Variants in SNF8 observed in about 807,000 individuals in gnomAD.
SNF8 encodes the protein SNF8 subunit of ESCRT-II, also known as vacuolar-sorting protein SNF8.
A neutral mutation model predicts 36.8 loss-of-function variants in SNF8; 19 were observed. The observed-to-expected ratio is 0.52, with a 90% CI of 0.36 to 0.76. The LOEUF (loss-of-function observed/expected upper bound fraction) is 0.76, where lower values mean the gene tolerates loss of function less well. SNF8 is among the 30% of genes least tolerant of loss of function. The pLI is 0.00. For missense variants in SNF8, 268 were observed against 322.9 expected, an observed-to-expected ratio of 0.83 and a Z score of 1.30; for synonymous variants, 127 against 127.4, an observed-to-expected ratio of 1.00 and a Z score of 0.02.
rs2143788137 is a variant in SNF8, at chr17:48,930,438, C to T, written c.*37G>A. 2 of 1,486,978 alleles carry T rather than the reference C, an allele frequency of 1.3e-6. No individual in the cohort carries two copies. Among genetic ancestry groups the T allele is most frequent in the East Asian group, 2.4e-5 (1 of 41,606 alleles). 92.1% of individuals were successfully genotyped at this position (1,486,978 alleles called of 1,614,324 possible). A position where few individuals can be genotyped will look rare whatever the true frequency, so the allele number is the denominator to read the frequency against. Reference sequence around the variant, plus strand: ...CCAGGTTTATTTGCCACCTCCGCCTCCTCCCTGCCTGCTGCTGTGTGCCCT... The same window carrying T: ...CCAGGTTTATTTGCCACCTCCGCCTTCTCCCTGCCTGCTGCTGTGTGCCCT... On this transcript the variant is annotated 3_prime_UTR_variant, in exon 8 of 8. Transcript: ENST00000502492.
chr17:48,933,288 T>A lies in SNF8; in HGVS notation c.481A>T (p.Ile161Phe). 6.2e-7 allele frequency: 1 copy of A among 1,614,198 alleles called. No individual in the cohort carries two copies. The highest frequency in any genetic ancestry group is 8.5e-7 in the Non-Finnish European group (1 of 1,180,038). Reference sequence around the variant, plus strand: ...ATGAGGTAAGTGCCGCCCACAGGGATGATGCCGAAGCCAGTGCCAAGTGCC... The same window carrying A: ...ATGAGGTAAGTGCCGCCCACAGGGAAGATGCCGAAGCCAGTGCCAAGTGCC... ...LKALGTGFGI[I>F]PVGGTYLIQS... Residue 161 changes from isoleucine to phenylalanine, a missense_variant, in exon 6 of 8, where the codon ATC (isoleucine) becomes TTC (phenylalanine). Physicochemically the swap from Ile to Phe is conservative, Grantham distance 21. Coordinates refer to ENST00000502492, the MANE Select transcript of SNF8 (RefSeq NM_007241.4).
At position 48,940,934 on chromosome 17, in the gene SNF8, A is replaced by G; in HGVS notation, c.234T>C (p.Asp78=). Residue 78 remains aspartate (D), a synonymous_variant, in exon 3 of 8, where the codon GAT becomes GAC. Coordinates refer to ENST00000502492, the MANE Select transcript of SNF8 (RefSeq NM_007241.4). The stretch of plus-strand genomic sequence containing the variant: ...CAGACAACTTCTTACAGGCCAGCGG[A>G]TCCACGCCAATGGTTGCACACATGT... ...FQDMCATIGV[D]PLASGKGFWS... The G allele has an allele frequency of 1.2e-6, 2 of 1,612,204 alleles. No individual in the cohort carries two copies.
At chr17:48,940,357 TA>T (rs1045634128) in intron 3 of SNF8, among the ~76,000 whole-genome samples, 1 of 151,940 alleles carries the variant, frequency 6.6e-6, no homozygotes, top group Non-Finnish European at 1.5e-5. Context: ...AAATATTTTT[TA>T]ATAAAGAGGG....
intron 7 of SNF8, among the ~76,000 whole-genome samples, chr17:48,931,220 G>T (rs544701183): frequency 6.6e-6 from 1 of 152,144 alleles, no homozygotes; most frequent in South Asian, 2.1e-4. Flanking sequence ...TCTTCAGTAC[G>T]ATGAAATTTG....
chr17:48,930,497 T>G lies in SNF8; in HGVS notation c.755A>C (p.Glu252Ala), dbSNP rs201756206. 180 of 1,609,614 alleles carry G rather than the reference T, an allele frequency of 1.1e-4. No homozygotes were observed. The highest frequency in any genetic ancestry group is 1.4e-4 in the Non-Finnish European group (160 of 1,178,402). ...CAGTCAGGGGAGGGCTTCTCTGGCCTCCTCAGCTGTAATCTCCTGGGAGTA... is the reference window on the plus strand; with the variant it reads ...CAGTCAGGGGAGGGCTTCTCTGGCCGCCTCAGCTGTAATCTCCTGGGAGTA... ...DLYSQEITAE[E>A]AREALP Residue 252 changes from glutamate (E) to alanine (A), a missense_variant, in exon 8 of 8, where the codon GAG (glutamate) becomes GCG (alanine). Coordinates refer to ENST00000502492, the MANE Select transcript of SNF8 (RefSeq NM_007241.4).
intron 4 of SNF8, chr17:48,936,750 C>T (rs901849376): frequency 8.0e-6 from 4 of 500,026 alleles, no homozygotes; most frequent in Non-Finnish European, 1.4e-5. Flanking sequence ...GGGGAAAAGG[C>T]CTACTTCCTA....
rs144528176 is a variant in SNF8, at chr17:48,931,652, C to A, written c.630G>T (p.Arg210=). 7.9e-4 allele frequency: 1,272 copies of A among 1,613,102 alleles called. 7 individuals are homozygous for A. The highest frequency in any genetic ancestry group is 7.1e-3 in the Middle Eastern group (43 of 6,060). The change falls in exon 7 of 8, where the codon CGG becomes CGT. Residue 210 remains arginine, a synonymous_variant. Coordinates refer to ENST00000502492, the MANE Select transcript of SNF8 (RefSeq NM_007241.4). The stretch of plus-strand genomic sequence containing the variant: ...TTCCAAAGTTGCATACCAGCACTTG[C>A]CGCGCTCGCTCGGTCTCCCATTTAA... ...ASLKWETERA[R]QVLEHLLKEG...
intron 6 of SNF8, 78 bp downstream of exon 6, chr17:48,933,127 G>A (rs1048528330): frequency 1.3e-6 from 2 of 1,515,838 alleles, no homozygotes; most frequent in Non-Finnish European, 9.1e-7. Flanking sequence ...ATAATGGGGA[G>A]CACGAGCTGA....
chr17:48,935,895 G>A (rs2040926994), intron 5 of SNF8: 2 of 316,012 alleles, frequency 6.3e-6, no homozygotes, highest in East Asian at 1.2e-4. Context: ...GGAGGCTGAG[G>A]TGGGAGGATT....
Position 48,937,074 on chromosome 17 carries a change from C to T in SNF8, c.295G>A (p.Glu99Lys), listed in dbSNP as rs958324223. The T allele has an allele frequency of 6.2e-7, 1 of 1,614,128 alleles. No individual in the cohort carries two copies. Among genetic ancestry groups the T allele is most frequent in the African/African-American group, 1.3e-5 (1 of 75,050 alleles). Reference sequence around the variant, plus strand: ...ACTTCGATAATTTGGACACCTAGTTCGTAATAGAAGTCCCCCACGCCCAGC... The same window carrying T: ...ACTTCGATAATTTGGACACCTAGTTTGTAATAGAAGTCCCCCACGCCCAGC... ...EMLGVGDFYY[E>K]LGVQIIEVCL... The change falls in exon 4 of 8, where the codon GAA becomes AAA. Residue 99 changes from glutamate to lysine, a missense_variant. Physicochemically the swap from Glu to Lys is moderately conservative, Grantham distance 56. Transcript: ENST00000502492.
In SNF8 at chr17:48,933,355, AG is replaced by A. The variant is rs1004205291; in HGVS notation, c.423-10del. 3 of 1,614,142 alleles carry A rather than the reference AG, an allele frequency of 1.9e-6. No homozygotes were observed. Among genetic ancestry groups the A allele is most frequent in the Non-Finnish European group, 2.5e-6 (3 of 1,179,994 alleles). On this transcript the variant is annotated splice_polypyrimidine_tract_variant and intron_variant, in intron 5 of 7. Coordinates refer to ENST00000502492, the MANE Select transcript of SNF8 (RefSeq NM_007241.4). The stretch of plus-strand genomic sequence containing the variant: ...CTCTGATCAGGTCATCTCTGAGGTA[AG>A]GAAGAGTTGCTTAACGACCCTTGGC...
At chr17:48,931,277 ATAAT>A (rs1294871198) in intron 7 of SNF8, among the ~76,000 whole-genome samples, 1 of 152,202 alleles carries the variant, frequency 6.6e-6, no homozygotes, top group African/African-American at 2.4e-5. Context: ...TGCTTAGTGG[ATAAT>A]TAGATATGTA....
intron 4 of SNF8, chr17:48,936,511 C>T (rs1427000023): frequency 1.6e-5 from 6 of 369,072 alleles, no homozygotes; most frequent in Non-Finnish European, 2.5e-5. Flanking sequence ...ACATCAAGGC[C>T]GTGTCTATTT....
At position 48,930,404 on chromosome 17, in the gene SNF8, C is replaced by T; in HGVS notation, c.*71G>A. The T allele has an allele frequency of 7.3e-7, 1 of 1,373,336 alleles. No homozygotes were observed. Among genetic ancestry groups the T allele is most frequent in the Non-Finnish European group, 9.5e-7 (1 of 1,051,872 alleles). The allele number at this position is 1,373,336 out of a possible 1,614,324, so 85.1% of individuals were successfully genotyped here. ...ACTTTTTTTCTATTTTTTGTATAAA[C>T]AAAATTGCCCAGGTTTATTTGCCAC... On this transcript the variant is annotated 3_prime_UTR_variant, in exon 8 of 8. Coordinates refer to ENST00000502492, the MANE Select transcript of SNF8 (RefSeq NM_007241.4).
intron 3 of SNF8, among the ~76,000 whole-genome samples, chr17:48,938,812 G>A (rs1488142983): frequency 6.7e-6 from 1 of 150,034 alleles, no homozygotes; most frequent in Non-Finnish European, 1.5e-5. Flanking sequence ...GGCGGAGGTT[G>A]CAGTTAACCA....
intron 3 of SNF8, among the ~76,000 whole-genome samples, chr17:48,939,721 G>A (rs2040992267): frequency 6.6e-6 from 1 of 151,932 alleles, no homozygotes; most frequent in Non-Finnish European, 1.5e-5. Context: ...GCCTCACAAA[G>A]TGCTGGGATT....
intron 3 of SNF8, among the ~76,000 whole-genome samples, chr17:48,940,355 T>C (rs948593686): frequency 6.6e-6 from 1 of 152,012 alleles, no homozygotes. Context: ...TTAAATATTT[T>C]TTAATAAAGA....
At chr17:48,931,516 G>C (rs2040858945) in intron 7 of SNF8, 127 bp downstream of exon 7, 2 of 744,244 alleles carry the variant, frequency 2.7e-6, no homozygotes, top group Non-Finnish European at 4.4e-6. Context: ...CTTCCTTCTA[G>C]CATGGCAGCA....
chr17:48,939,474 T>G (rs68005441), intron 3 of SNF8, among the ~76,000 whole-genome samples: 22,710 of 146,232 alleles, frequency 0.16, 1,909 homozygotes, highest in African/African-American at 0.21. Context: ...TTTTTTTTTT[T>G]GGGGGGATGG....
Sources: gnomAD v4.1 joint callset for allele counts (sites outside exome capture counted in the v4.1 genomes callset) on GRCh38, gnomAD v4.1.1 for gene constraint, MANE v1.5 for transcripts, NCBI Gene and HGNC (gene_info 2026-07-23, HGNC 2026-07-21) for gene names.